EPHA3: variants seen among roughly 807,000 people sequenced by gnomAD.
EPHA3 encodes the protein ephrin type-A receptor 3.
A neutral mutation model predicts 107.1 loss-of-function variants in EPHA3; 42 were observed. The observed-to-expected ratio is 0.39, with a 90% CI of 0.31 to 0.51. EPHA3 has a LOEUF of 0.51. EPHA3 is among the 20% of genes least tolerant of loss of function. EPHA3 has a pLI of 0.78. For missense variants in EPHA3, 1,183 were observed against 1,211.2 expected, an observed-to-expected ratio of 0.98 and a Z score of 0.35; for synonymous variants, 461 against 424.8, an observed-to-expected ratio of 1.09 and a Z score of -1.05.
At chr3:89,309,426 G>T (rs1706713088) in intron 3 of EPHA3, among the ~76,000 whole-genome samples, 1 of 152,090 alleles carries the variant, frequency 6.6e-6, no homozygotes, top group Non-Finnish European at 1.5e-5. Context: ...CTTTTATGGT[G>T]TCTAACATGT....
intron 12 of EPHA3, among the ~76,000 whole-genome samples, chr3:89,429,488 G>A (rs1184754306): frequency 6.6e-6 from 1 of 152,208 alleles, no homozygotes. Flanking sequence ...AAGACAGAAA[G>A]TCTCTTTTTT....
intron 2 of EPHA3, among the ~76,000 whole-genome samples, chr3:89,170,940 A>T (rs1307961025): frequency 2.7e-5 from 4 of 147,028 alleles, no homozygotes; most frequent in Non-Finnish European, 3.0e-5. Context: ...CTTTAAAACC[A>T]TTTTTTTTTT....
chr3:89,275,716 G>A (rs539377858), intron 3 of EPHA3, among the ~76,000 whole-genome samples: 3 of 152,004 alleles, frequency 2.0e-5, no homozygotes, highest in Non-Finnish European at 4.4e-5. Flanking sequence ...GAAAGTTTGT[G>A]CATTTTATGT....
intron 2 of EPHA3, among the ~76,000 whole-genome samples, chr3:89,179,690 A>C (rs540304931): frequency 2.0e-5 from 3 of 151,188 alleles, no homozygotes; most frequent in East Asian, 1.9e-4. Context: ...AAAGATCTTC[A>C]AAAAATGTGG....
At chr3:89,185,732 C>T (rs1290309357) in intron 2 of EPHA3, among the ~76,000 whole-genome samples, 2 of 152,064 alleles carry the variant, frequency 1.3e-5, no homozygotes, top group African/African-American at 4.8e-5. Flanking sequence ...TGTCTACTCT[C>T]AGAGCCTTCT....
At chr3:89,411,639 G>A (rs1241384809) in intron 9 of EPHA3, among the ~76,000 whole-genome samples, 3 of 151,780 alleles carry the variant, frequency 2.0e-5, no homozygotes, top group African/African-American at 7.3e-5. Flanking sequence ...AACATAAATC[G>A]TAATGCATTA....
chr3:89,424,691 AAAC>A (rs933409896), intron 11 of EPHA3, among the ~76,000 whole-genome samples: 4 of 151,436 alleles, frequency 2.6e-5, no homozygotes, highest in African/African-American at 9.7e-5. Flanking sequence ...AAGGAGAAAA[AAAC>A]AAAACTTTTT....
chr3:89,346,733 G>T (rs1162106272), intron 5 of EPHA3, among the ~76,000 whole-genome samples: 1 of 149,702 alleles, frequency 6.7e-6, no homozygotes, highest in Non-Finnish European at 1.5e-5. Context: ...TTTTCTTCTA[G>T]GGTTTTTATG....
At chr3:89,278,281 G>T (rs1317928591) in intron 3 of EPHA3, among the ~76,000 whole-genome samples, 3 of 152,158 alleles carry the variant, frequency 2.0e-5, no homozygotes, top group African/African-American at 7.2e-5. Context: ...CATACTGGCA[G>T]CCTGCATCTT....
At position 89,182,793 on chromosome 3, in the gene EPHA3, T is replaced by C. The variant is rs1705472614; in HGVS notation, c.154-27067T>C. On this transcript the variant is annotated intron_variant, in intron 2 of 16. Coordinates refer to ENST00000336596, the MANE Select transcript of EPHA3 (RefSeq NM_005233.6). The stretch of plus-strand genomic sequence containing the variant: ...GTACCAATGTCAGGGAACTATGATG[T>C]CTCTCACACTCCTTTGAAAGAGAAC... 5.3e-5 allele frequency among the ~76,000 whole-genome samples: 8 copies of C among 151,816 alleles called. No individual in the cohort carries two copies. The South Asian group carries it at 1.7e-3, about 31-fold the overall frequency.
chr3:89,204,314 T>G (rs1307645497), intron 2 of EPHA3, among the ~76,000 whole-genome samples: 4 of 152,154 alleles, frequency 2.6e-5, no homozygotes, highest in East Asian at 1.9e-4. Flanking sequence ...GTAGCCATTA[T>G]AATTAAGATA....
intron 15 of EPHA3, among the ~76,000 whole-genome samples, chr3:89,470,322 C>T (rs1260233261): frequency 6.6e-6 from 1 of 151,990 alleles, no homozygotes; most frequent in Non-Finnish European, 1.5e-5. Context: ...CATTGCATTC[C>T]CAGCATTATA....
At chr3:89,202,515 C>CAAAAA (rs375753577) in intron 2 of EPHA3, among the ~76,000 whole-genome samples, 2 of 116,896 alleles carry the variant, frequency 1.7e-5, no homozygotes, top group African/African-American at 7.2e-5. Context: ...GACTCTGTCT[C>CAAAAA]AAAAAAAAAA....
intron 12 of EPHA3, among the ~76,000 whole-genome samples, chr3:89,430,616 T>C (rs1709546958): frequency 6.6e-6 from 1 of 152,184 alleles, no homozygotes; most frequent in Non-Finnish European, 1.5e-5. Flanking sequence ...TATTGCTTTC[T>C]ATTTTGTGAC....
intron 2 of EPHA3, among the ~76,000 whole-genome samples, chr3:89,203,354 A>G (rs1485443584): frequency 6.8e-6 from 1 of 146,800 alleles, no homozygotes; most frequent in Non-Finnish European, 1.5e-5. Flanking sequence ...ACAAAACAAA[A>G]AAAAAATTAC....
intron 3 of EPHA3, among the ~76,000 whole-genome samples, chr3:89,324,766 T>A (rs1351980388): frequency 6.6e-6 from 1 of 152,156 alleles, no homozygotes; most frequent in Non-Finnish European, 1.5e-5. Context: ...GGCTATATTG[T>A]GTGATGCTGA....
intron 3 of EPHA3, among the ~76,000 whole-genome samples, chr3:89,330,973 A>C (rs1707272391): frequency 1.3e-5 from 2 of 152,102 alleles, no homozygotes; most frequent in South Asian, 4.1e-4. Context: ...AGAAAAAGGA[A>C]GCTCTTAGAT....
intron 15 of EPHA3, among the ~76,000 whole-genome samples, chr3:89,468,674 T>A (rs1710339151): frequency 6.6e-6 from 1 of 152,190 alleles, no homozygotes; most frequent in Non-Finnish European, 1.5e-5. Context: ...TCACATGATT[T>A]TTCTTCTAAA....
Position 89,400,059 on chromosome 3 carries a change from A to G in EPHA3, c.1594+579A>G, listed in dbSNP as rs1428539125. On this transcript the variant is annotated intron_variant, in intron 7 of 16. Transcript: ENST00000336596. ...TTTCCAGTAACTTTTCTTTTTTTCA[A>G]ATGAATTTTCTTCATACTTAAAAAA... 4 of 1,031,550 alleles carry G rather than the reference A, an allele frequency of 3.9e-6. No homozygotes were observed. In the East Asian group the frequency reaches 1.9e-4, roughly 48 times the overall value. The allele number at this position is 1,031,550 out of a possible 1,614,324, so 63.9% of individuals were successfully genotyped here.
Sources: gnomAD v4.1 joint callset for allele counts (sites outside exome capture counted in the v4.1 genomes callset) on GRCh38, gnomAD v4.1.1 for gene constraint, MANE v1.5 for transcripts, NCBI Gene and HGNC (gene_info 2026-07-23, HGNC 2026-07-21) for gene names.